The following RMDN2 variants were observed in gnomAD, a reference collection of about 807,000 sequenced individuals.
The protein encoded by RMDN2 is regulator of microtubule dynamics 2, also known as regulator of microtubule dynamics protein 2.
Under a neutral mutation model 52.8 loss-of-function variants are expected in RMDN2, and 61 were observed. The observed-to-expected ratio is 1.16, with a 90% CI of 0.94 to 1.43. The LOEUF (loss-of-function observed/expected upper bound fraction) is 1.43, where lower values mean the gene tolerates loss of function less well. Among genes scored for constraint, RMDN2 ranks in the 40% most tolerant of loss-of-function variants. RMDN2 has a pLI of 0.00. For synonymous variants in RMDN2, 180 were observed against 153.1 expected (o/e 1.18, Z -1.30); for missense variants, 592 against 475.3 (o/e 1.25, Z -2.28).
intron 2 of RMDN2, among the ~76,000 whole-genome samples, chr2:37,944,965 A>T (rs1048074634): frequency 6.6e-6 from 1 of 152,220 alleles, no homozygotes; most frequent in African/African-American, 2.4e-5. Context: ...ATAACCTATG[A>T]AACAAGGTGT....
intron 4 of RMDN2, 27 bp downstream of exon 4, chr2:37,975,341 A>C: frequency 2.6e-5 from 34 of 1,285,740 alleles, no homozygotes; most frequent in Non-Finnish European, 3.4e-5. Flanking sequence ...GATTATTCTC[A>C]AGTAGCAATT....
At chr2:37,951,608 A>G in intron 2 of RMDN2, 2 of 1,613,436 alleles carry the variant, frequency 1.2e-6, no homozygotes, top group Non-Finnish European at 1.7e-6. Context: ...CATCCCGTAA[A>G]CTAAGTATAG....
chr2:37,965,676 A>G (rs1012611456), intron 2 of RMDN2, among the ~76,000 whole-genome samples: 1 of 152,160 alleles, frequency 6.6e-6, no homozygotes, highest in Non-Finnish European at 1.5e-5. Context: ...TAATTCTGTT[A>G]TATTTTCCCA....
intron 2 of RMDN2, among the ~76,000 whole-genome samples, chr2:37,949,213 G>A (rs1431473991): frequency 6.6e-6 from 1 of 152,134 alleles, no homozygotes; most frequent in Non-Finnish European, 1.5e-5. Flanking sequence ...AGCCATACAT[G>A]TAAGGCCCTG....
rs191931786 is a variant in RMDN2, at chr2:38,009,741, C to T, written c.1179+5525C>T. ...AGTCATTCTCCGTCCAGCTTTGTTC[C>T]GTTGCTGGTGAGGAGCTGCATTCCT... On this transcript the variant is annotated intron_variant, in intron 10 of 10. Transcript: ENST00000354545. Among the ~76,000 whole-genome samples the T allele has an allele frequency of 2.6e-3, 390 of 152,248 alleles. 2 individuals are homozygous for T. Among genetic ancestry groups the T allele is most frequent in the Non-Finnish European group, 2.6e-3 (174 of 68,018 alleles).
At chr2:38,042,426 A>ACACCC (rs1558582658) in intron 10 of RMDN2, among the ~76,000 whole-genome samples, 1 of 144,182 alleles carries the variant, frequency 6.9e-6, no homozygotes, top group Non-Finnish European at 1.5e-5. Context: ...CACACACACC[A>ACACCC]CACACACACA....
rs188158159 is a variant in RMDN2, at chr2:38,006,783, A to C, written c.1179+2567A>C. Among the ~76,000 whole-genome samples the C allele has an allele frequency of 1.9e-3, 288 of 152,276 alleles. 4 individuals are homozygous for C. In the East Asian group the frequency reaches 0.047, roughly 25 times the overall value. On this transcript the variant is annotated intron_variant, in intron 10 of 10. Transcript: ENST00000354545. ...AGAGAGGGCATCCCTGTCTTGTGCCAGTTTTCAAAGGGAATGCTTCCAGTT... is the reference window on the plus strand; with the variant it reads ...AGAGAGGGCATCCCTGTCTTGTGCCCGTTTTCAAAGGGAATGCTTCCAGTT...
chr2:37,975,551 C>G (rs1031238732), intron 4 of RMDN2, among the ~76,000 whole-genome samples: 1 of 152,026 alleles, frequency 6.6e-6, no homozygotes, highest in African/African-American at 2.4e-5. Flanking sequence ...ACAACAGGGC[C>G]TGTCTTGGGG....
rs1318432138 is a variant in RMDN2, at chr2:37,929,575, A to C, written c.298A>C (p.Ile100Leu). The C allele has an allele frequency of 6.4e-7, 1 of 1,551,944 alleles. No homozygotes were observed. The highest frequency in any genetic ancestry group is 2.4e-5 in the East Asian group (1 of 40,906). The change falls in exon 2 of 11, where the codon ATT (isoleucine) becomes CTT (leucine). Residue 100 changes from isoleucine (I) to leucine (L), a missense_variant. Ile to Leu is a conservative substitution (Grantham distance 5). Transcript: ENST00000354545. ...GGAAATCAGATTTCTTAAAGAAGCT[A>C]TTCCAAAGCTGGAGGAATATATACA... ...KEEIRFLKEA[I>L]PKLEEYIQDE...
At chr2:38,004,979 G>A (rs1409722376) in intron 10 of RMDN2, among the ~76,000 whole-genome samples, 1 of 151,962 alleles carries the variant, frequency 6.6e-6, no homozygotes, top group Non-Finnish European at 1.5e-5. Flanking sequence ...ATAGTTTGCT[G>A]AGAATGATGG....
intron 10 of RMDN2, among the ~76,000 whole-genome samples, chr2:38,006,018 T>A (rs1225943922): frequency 6.6e-6 from 1 of 152,198 alleles, no homozygotes; most frequent in Non-Finnish European, 1.5e-5. Flanking sequence ...GTTGTAGATA[T>A]GCAGCATTAT....
intron 10 of RMDN2, among the ~76,000 whole-genome samples, chr2:38,034,630 A>G (rs1189561590): frequency 6.6e-6 from 1 of 151,980 alleles, no homozygotes; most frequent in African/African-American, 2.4e-5. Context: ...AAAATTTATT[A>G]TAATCCTCTA....
rs115503669 is a variant in RMDN2 at position 37,989,844 on chromosome 2, T to G, written c.867+228T>G. Among the ~76,000 whole-genome samples, 1,347 of 152,244 alleles carry G rather than the reference T, an allele frequency of 8.8e-3. 24 individuals carry two copies. The highest frequency in any genetic ancestry group is 0.031 in the African/African-American group (1,267 of 41,538). On this transcript the variant is annotated intron_variant, in intron 6 of 10. Coordinates refer to ENST00000354545, the MANE Select transcript of RMDN2 (RefSeq NM_001170791.3). Reference sequence around the variant, plus strand: ...AAAAGAATTAAATTATTTGGGTGATTAAAGATTATTATTAGTTGGCCGGGC... The same window carrying G: ...AAAAGAATTAAATTATTTGGGTGATGAAAGATTATTATTAGTTGGCCGGGC...
chr2:37,926,363 A>G (rs960779041), intron 1 of RMDN2, among the ~76,000 whole-genome samples: 1 of 152,232 alleles, frequency 6.6e-6, no homozygotes, highest in African/African-American at 2.4e-5. Context: ...AACATTTCAT[A>G]TTCTATTTTC....
intron 2 of RMDN2, among the ~76,000 whole-genome samples, chr2:37,943,936 T>C (rs1395525130): frequency 6.6e-6 from 1 of 152,164 alleles, no homozygotes; most frequent in Non-Finnish European, 1.5e-5. Context: ...GAAAAAACGA[T>C]GGTCATATGG....
intron 2 of RMDN2, among the ~76,000 whole-genome samples, chr2:37,967,037 G>A (rs563790928): frequency 5.0e-4 from 76 of 152,208 alleles, no homozygotes; most frequent in Middle Eastern, 3.4e-3. Flanking sequence ...GACAGTGCCC[G>A]AAAGAAATAA....
intron 10 of RMDN2, among the ~76,000 whole-genome samples, chr2:38,031,410 A>C (rs145630212): frequency 6.6e-6 from 1 of 151,836 alleles, no homozygotes; most frequent in African/African-American, 2.4e-5. Context: ...AGTAGCTGAA[A>C]CTACAGGTCC....
intron 2 of RMDN2, among the ~76,000 whole-genome samples, chr2:37,960,945 A>G (rs770415024): frequency 6.6e-6 from 1 of 152,170 alleles, no homozygotes; most frequent in Non-Finnish European, 1.5e-5. Context: ...TCCTTCGCTT[A>G]TGAAGCTTAG....
chr2:38,015,727 TAAAAAC>T (rs1186758586), intron 10 of RMDN2, among the ~76,000 whole-genome samples: 1 of 152,090 alleles, frequency 6.6e-6, no homozygotes, highest in Non-Finnish European at 1.5e-5. Context: ...AAGAAAGTCT[TAAAAAC>T]AAAGACAGAA....
Sources: allele counts gnomAD v4.1 joint callset (sites outside exome capture counted in the v4.1 genomes callset), GRCh38; gene constraint gnomAD v4.1.1; transcripts MANE v1.5; gene names NCBI Gene and HGNC (gene_info 2026-07-23, HGNC 2026-07-21).